The following ARPP21 variants were observed in gnomAD, a reference collection of about 807,000 sequenced individuals.
The protein encoded by ARPP21 is cAMP regulated phosphoprotein 21.
A neutral mutation model predicts 113.2 loss-of-function variants in ARPP21; 69 were observed. The observed-to-expected ratio is 0.61, with a 90% CI of 0.50 to 0.74. ARPP21 has a LOEUF of 0.74. Among genes scored for constraint, ARPP21 ranks in the 30% least tolerant of loss-of-function variants. The pLI, the probability that ARPP21 is intolerant of heterozygous loss-of-function variation, is 0.00. For synonymous variants in ARPP21, 368 were observed against 375.5 expected (o/e 0.98, Z 0.23); for missense variants, 1,070 against 1,037.4 (o/e 1.03, Z -0.43).
At chr3:35,709,595 G>T (rs2090387850) in intron 11 of ARPP21, among the ~76,000 whole-genome samples, 1 of 152,014 alleles carries the variant, frequency 6.6e-6, no homozygotes, top group Non-Finnish European at 1.5e-5. Flanking sequence ...TGAACAGTTT[G>T]TCAAGGGAAT....
intron 11 of ARPP21, among the ~76,000 whole-genome samples, chr3:35,713,940 A>G (rs1413996432): frequency 6.6e-6 from 1 of 152,144 alleles, no homozygotes; most frequent in East Asian, 1.9e-4. Flanking sequence ...ATCTAAGCTA[A>G]CCTCGCTTTC....
intron 19 of ARPP21, among the ~76,000 whole-genome samples, chr3:35,780,154 A>G (rs931285062): frequency 6.6e-6 from 1 of 151,964 alleles, no homozygotes; most frequent in African/African-American, 2.4e-5. Context: ...TTTTCTACCT[A>G]TGTGCCATTG....
chr3:35,781,159 G>A (rs1336213091), intron 19 of ARPP21, among the ~76,000 whole-genome samples: 1 of 152,184 alleles, frequency 6.6e-6, no homozygotes, highest in African/African-American at 2.4e-5. Flanking sequence ...CTCCTCTGCA[G>A]CCTCAAGGGA....
chr3:35,646,683 C>T (rs1232852588), intron 1 of ARPP21, among the ~76,000 whole-genome samples: 1 of 151,846 alleles, frequency 6.6e-6, no homozygotes, highest in African/African-American at 2.4e-5. Context: ...TAAATTCTGC[C>T]AAATTAATTA....
chr3:35,778,789 A>G (rs537614870), intron 19 of ARPP21, among the ~76,000 whole-genome samples: 1 of 152,282 alleles, frequency 6.6e-6, no homozygotes, highest in South Asian at 2.1e-4. Context: ...ATCTTCTATA[A>G]AGTGAGAATA....
intron 18 of ARPP21, among the ~76,000 whole-genome samples, chr3:35,742,525 A>G (rs2094733428): frequency 6.6e-6 from 1 of 152,244 alleles, no homozygotes; most frequent in Non-Finnish European, 1.5e-5. Context: ...AGACTCATTC[A>G]GCCTCTTGCC....
At chr3:35,658,792 C>T (rs1489337516) in intron 1 of ARPP21, among the ~76,000 whole-genome samples, 1 of 152,038 alleles carries the variant, frequency 6.6e-6, no homozygotes, top group African/African-American at 2.4e-5. Flanking sequence ...AAGGCTGGAC[C>T]TGTGCTGTGC....
intron 5 of ARPP21, among the ~76,000 whole-genome samples, chr3:35,686,238 G>A (rs1383247812): frequency 1.3e-5 from 2 of 151,594 alleles, no homozygotes; most frequent in African/African-American, 4.8e-5. Flanking sequence ...TCTTTAGCAA[G>A]TAGAAGCAAA....
intron 18 of ARPP21, among the ~76,000 whole-genome samples, chr3:35,740,242 G>T (rs1391655439): frequency 6.6e-6 from 1 of 152,108 alleles, no homozygotes; most frequent in Non-Finnish European, 1.5e-5. Flanking sequence ...AAACATCTCT[G>T]GTACTCTCTT....
At chr3:35,722,340 G>T (rs2093161730) in intron 14 of ARPP21, among the ~76,000 whole-genome samples, 1 of 152,142 alleles carries the variant, frequency 6.6e-6, no homozygotes, top group Admixed American at 6.5e-5. Context: ...AATGCTGTTA[G>T]TACGATCCTG....
intron 19 of ARPP21, among the ~76,000 whole-genome samples, chr3:35,776,904 G>A (rs1248333334): frequency 6.6e-6 from 1 of 152,098 alleles, no homozygotes; most frequent in Admixed American, 6.5e-5. Context: ...TCCACTCCCT[G>A]CTGTATGGAG....
intron 1 of ARPP21, among the ~76,000 whole-genome samples, chr3:35,657,080 C>T (rs1280712999): frequency 6.6e-6 from 1 of 152,010 alleles, no homozygotes; most frequent in African/African-American, 2.4e-5. Flanking sequence ...ACCCCTGGTA[C>T]CCTTCCCCTA....
intron 1 of ARPP21, among the ~76,000 whole-genome samples, chr3:35,651,548 C>T (rs1702388472): frequency 6.6e-6 from 1 of 152,026 alleles, no homozygotes; most frequent in South Asian, 2.1e-4. Flanking sequence ...AGAAGGTGCT[C>T]TTATCAAGAA....
chr3:35,729,057 TGAGA>T (rs993002742), intron 14 of ARPP21, among the ~76,000 whole-genome samples: 7 of 152,204 alleles, frequency 4.6e-5, no homozygotes, highest in Non-Finnish European at 1.0e-4. Flanking sequence ...GTGAAAAGGC[TGAGA>T]GAAAGTTCTC....
chr3:35,777,644 G>T (rs1044157232), intron 19 of ARPP21, among the ~76,000 whole-genome samples: 1 of 152,084 alleles, frequency 6.6e-6, no homozygotes, highest in African/African-American at 2.4e-5. Flanking sequence ...AGAATTGCAA[G>T]GACCAGTTAA....
intron 1 of ARPP21, among the ~76,000 whole-genome samples, chr3:35,653,604 G>C (rs1477159352): frequency 6.6e-6 from 1 of 152,002 alleles, no homozygotes; most frequent in African/African-American, 2.4e-5. Context: ...TCATAGGAAG[G>C]GGGTAGGTTT....
chr3:35,697,515 GAACTA>G (rs1177048705), intron 9 of ARPP21, among the ~76,000 whole-genome samples: 8 of 151,568 alleles, frequency 5.3e-5, no homozygotes, highest in African/African-American at 1.9e-4. Context: ...ACTCATTCTA[GAACTA>G]AACAAAGCTT....
chr3:35,762,742 C>A (rs912092236), intron 19 of ARPP21, among the ~76,000 whole-genome samples: 6 of 152,024 alleles, frequency 3.9e-5, no homozygotes, highest in African/African-American at 1.4e-4. Flanking sequence ...ACGATGGTTC[C>A]AATTTATTCT....
At chr3:35,749,624 A>C (rs1449295474) in intron 19 of ARPP21, among the ~76,000 whole-genome samples, 2 of 152,030 alleles carry the variant, frequency 1.3e-5, no homozygotes, top group East Asian at 3.9e-4. Context: ...TCTTCTTTAA[A>C]TGTTTGTTAG....
Sources: allele counts gnomAD v4.1 joint callset (sites outside exome capture counted in the v4.1 genomes callset), GRCh38; gene constraint gnomAD v4.1.1; transcripts MANE v1.5; gene names NCBI Gene and HGNC (gene_info 2026-07-23, HGNC 2026-07-21).